RIPK1: variants seen among roughly 807,000 people sequenced by gnomAD.
The protein encoded by RIPK1 is receptor-interacting serine/threonine-protein kinase 1.
RIPK1 carries 27 observed loss-of-function variants against 62.4 expected under a neutral mutation model. The ratio of observed to expected loss-of-function variants is 0.43; its 90% CI spans 0.32 to 0.60. The LOEUF (loss-of-function observed/expected upper bound fraction) is 0.60. Ranked by LOEUF, RIPK1 falls within the 20% of genes least tolerant of loss-of-function variation. The pLI is 0.07. For synonymous variants in RIPK1, 287 were observed against 303.2 expected (o/e 0.95, Z 0.55); for missense variants, 735 against 831.0 (o/e 0.88, Z 1.42).
chr6:3,097,301 A>G (rs1760368496), intron 7 of RIPK1, among the ~76,000 whole-genome samples: 1 of 152,250 alleles, frequency 6.6e-6, no homozygotes, highest in African/African-American at 2.4e-5. Flanking sequence ...CCCTTGAAGA[A>G]GGACAAGACT....
chr6:3,083,093 C>T lies in RIPK1; in HGVS notation c.468C>T (p.Asp156=), dbSNP rs1417612359. The change falls in exon 5 of 11, where the codon GAC becomes GAT. Residue 156 remains aspartate (D), a synonymous_variant. Coordinates refer to ENST00000259808, the MANE Select transcript of RIPK1 (RefSeq NM_001354930.2). ...CTCAATGTCTTTCGCAGATCGCAGA[C>T]CTCGGCCTTGCCTCCTTTAAGATGT... ...VDNDFHIKIA[D]LGLASFKMWS... 2 of 1,613,856 alleles carry T rather than the reference C, an allele frequency of 1.2e-6. No individual in the cohort carries two copies. The highest frequency in any genetic ancestry group is 1.7e-6 in the Non-Finnish European group (2 of 1,179,884).
chr6:3,095,941 C>A (rs1444187358), intron 7 of RIPK1, among the ~76,000 whole-genome samples: 1 of 151,444 alleles, frequency 6.6e-6, no homozygotes. Context: ...ACCTCCCAGG[C>A]CGAAGCAATC....
chr6:3,073,443 T>A (rs1758866225), intron 1 of RIPK1, among the ~76,000 whole-genome samples: 1 of 151,804 alleles, frequency 6.6e-6, no homozygotes, highest in Non-Finnish European at 1.5e-5. Flanking sequence ...AGAGCTAGAG[T>A]TCACGCTCAT....
At chr6:3,099,233 T>C (rs914831617) in intron 7 of RIPK1, among the ~76,000 whole-genome samples, 2 of 152,198 alleles carry the variant, frequency 1.3e-5, no homozygotes, top group African/African-American at 2.4e-5. Flanking sequence ...GGATATTTAA[T>C]AGAGTGCCTA....
Position 3,113,185 on chromosome 6 carries a change from G to T in RIPK1, c.1862G>T (p.Arg621Leu). 1 of 1,614,002 alleles carries T rather than the reference G, an allele frequency of 6.2e-7. No individual in the cohort carries two copies. The highest frequency in any genetic ancestry group is 1.7e-5 in the Admixed American group (1 of 59,984). ...GATGAAATTGACCATGACTATGAGC[G>T]AGATGGACTGAAAGAAAAGGTTTAC... Reference protein sequence around the residue: ...QIDEIDHDYERDGLKEKVYQM... With the variant: ...QIDEIDHDYELDGLKEKVYQM... Residue 621 changes from arginine (R) to leucine (L), a missense_variant, in exon 11 of 11, where the codon CGA (arginine) becomes CTA (leucine). Around this residue, in one of 2 missense-constraint regions of RIPK1, gnomAD observed 64 missense variants for 104.8 expected, o/e 0.61. Coordinates refer to ENST00000259808, the MANE Select transcript of RIPK1 (RefSeq NM_001354930.2). This position sits in a 1 kb window ranked among gnomAD's most constrained non-coding sequence, Gnocchi z 5.0.
chr6:3,071,330 G>A (rs1758701394), intron 1 of RIPK1, among the ~76,000 whole-genome samples: 1 of 152,172 alleles, frequency 6.6e-6, no homozygotes, highest in African/African-American at 2.4e-5. Flanking sequence ...GCCTTAGAAG[G>A]TAATCGTGAA....
chr6:3,069,287 AAAGC>A (rs1758566269), intron 1 of RIPK1, among the ~76,000 whole-genome samples: 1 of 152,238 alleles, frequency 6.6e-6, no homozygotes, highest in African/African-American at 2.4e-5. Flanking sequence ...TCCAAAAACA[AAAGC>A]ATTTCTGCGT....
At chr6:3,097,239 A>T (rs1232624358) in intron 7 of RIPK1, among the ~76,000 whole-genome samples, 2 of 152,110 alleles carry the variant, frequency 1.3e-5, no homozygotes, top group Admixed American at 6.6e-5. Flanking sequence ...TGACAAACCT[A>T]CTCTGAAATC....
chr6:3,094,265 A>G (rs966752059), intron 7 of RIPK1, among the ~76,000 whole-genome samples: 7 of 152,226 alleles, frequency 4.6e-5, no homozygotes, highest in Non-Finnish European at 7.3e-5. Flanking sequence ...TCAAGAACAT[A>G]CAGAGCATTT....
Position 3,068,641 on chromosome 6 carries a change from G to A in RIPK1, c.-81G>A. ...GCGCGGCAGGACTTGGCTGGACGGC[G>A]CGGCCACGGAGAAGGGCGCGGTGAG... On this transcript the variant is annotated 5_prime_UTR_variant, in exon 1 of 11. Coordinates refer to ENST00000259808, the MANE Select transcript of RIPK1 (RefSeq NM_001354930.2). The A allele has an allele frequency of 5.1e-6, 5 of 985,292 alleles. No homozygotes were observed. Among genetic ancestry groups the A allele is most frequent in the Non-Finnish European group, 6.0e-6 (5 of 829,936 alleles). The allele number at this position is 985,292 out of a possible 1,614,324, so 61.0% of individuals were successfully genotyped here.
In RIPK1 at chr6:3,113,481, A is replaced by G; in HGVS notation, c.*142A>G. 1.4e-6 allele frequency: 1 copy of G among 720,848 alleles called. No individual in the cohort carries two copies. The highest frequency in any genetic ancestry group is 2.2e-6 in the Non-Finnish European group (1 of 450,146). The allele number at this position is 720,848 out of a possible 1,614,324, so 44.7% of individuals were successfully genotyped here. ...AGAAATTTTGTTTCCTGTACTTCAT[A>G]GCTGGAGAATGGGGAAAGAAATCTG... On this transcript the variant is annotated 3_prime_UTR_variant, in exon 11 of 11. Coordinates refer to ENST00000259808, the MANE Select transcript of RIPK1 (RefSeq NM_001354930.2). This position sits in a 1 kb window ranked among gnomAD's most constrained non-coding sequence, Gnocchi z 5.0.
At chr6:3,106,476 A>AT (rs2113698453) in intron 9 of RIPK1, among the ~76,000 whole-genome samples, 2 of 152,268 alleles carry the variant, frequency 1.3e-5, no homozygotes, top group African/African-American at 4.8e-5. Flanking sequence ...GTGATGAAAA[A>AT]TTTTCTTTTA....
At chr6:3,064,954 G>A (rs937948191), upstream of RIPK1, among the ~76,000 whole-genome samples, 29 of 152,010 alleles carry the variant, frequency 1.9e-4, no homozygotes, top group Non-Finnish European at 3.7e-4. Flanking sequence ...TTAAGACACC[G>A]CTTTCTGGTC....
At chr6:3,097,869 AT>A (rs766514431) in intron 7 of RIPK1, among the ~76,000 whole-genome samples, 5 of 152,136 alleles carry the variant, frequency 3.3e-5, no homozygotes, top group Non-Finnish European at 7.4e-5. Flanking sequence ...GTATACATTC[AT>A]TTTAAAACTT....
chr6:3,106,046 C>G lies in RIPK1; in HGVS notation c.1571C>G (p.Pro524Arg). 2 of 1,598,596 alleles carry G rather than the reference C, an allele frequency of 1.3e-6. No individual in the cohort carries two copies. Among genetic ancestry groups the G allele is most frequent in the Non-Finnish European group, 1.7e-6 (2 of 1,168,970 alleles). ...ACCATGCCATTCAGCTCCTTGCCAC[C>G]AACAGGTAAATGGGTCTTCGATAGT... ...TPTMPFSSLP[P>R]TDESIKYTIY... The change falls in exon 9 of 11, where the codon CCA becomes CGA. Residue 524 changes from proline (P) to arginine (R), a missense_variant. Coordinates refer to ENST00000259808, the MANE Select transcript of RIPK1 (RefSeq NM_001354930.2).
chr6:3,090,399 A>G (rs1230403791), intron 7 of RIPK1, among the ~76,000 whole-genome samples: 1 of 152,210 alleles, frequency 6.6e-6, no homozygotes, highest in Admixed American at 6.5e-5. Context: ...CAGAGACTTT[A>G]AAATATAATT....
chr6:3,087,735 T>C (rs1304427281), intron 6 of RIPK1, among the ~76,000 whole-genome samples: 3 of 152,002 alleles, frequency 2.0e-5, no homozygotes, highest in African/African-American at 7.3e-5. Flanking sequence ...GAGACGGGGT[T>C]TCACCGTGTT....
upstream of RIPK1, chr6:3,067,972 G>A (rs1758460131): frequency 6.5e-6 from 1 of 153,202 alleles, no homozygotes; most frequent in Non-Finnish European, 1.5e-5. Context: ...TCGAACTGCT[G>A]ACCTCAAGTG....
intron 6 of RIPK1, among the ~76,000 whole-genome samples, chr6:3,086,671 C>A (rs1012547081): frequency 3.3e-5 from 5 of 152,318 alleles, no homozygotes; most frequent in African/African-American, 1.2e-4. Flanking sequence ...ACTTCCATAG[C>A]CTTTCAAGAC....
Sources: gnomAD v4.1 joint callset for allele counts (sites outside exome capture counted in the v4.1 genomes callset) on GRCh38, gnomAD v4.1.1 for gene constraint, gnomAD v4.1.1 regional missense constraint, Gnocchi (gnomAD v3.1) non-coding constraint, MANE v1.5 for transcripts, NCBI Gene and HGNC (gene_info 2026-07-23, HGNC 2026-07-21) for gene names.